The following UBR2 variants were observed in gnomAD, a reference collection of about 807,000 sequenced individuals.
The protein encoded by UBR2 is E3 ubiquitin-protein ligase UBR2.
A neutral mutation model predicts 247.9 loss-of-function variants in UBR2; 92 were observed. That is an observed-to-expected ratio of 0.37 (90% CI 0.31 to 0.44). The LOEUF is 0.44. Among genes scored for constraint, UBR2 ranks in the 20% least tolerant of loss-of-function variants. The pLI, the probability that UBR2 is intolerant of heterozygous loss-of-function variation, is 1.00. For synonymous variants in UBR2, 672 were observed against 693.5 expected (o/e 0.97, Z 0.49); for missense variants, 1,613 against 2,112.6 (o/e 0.76, Z 4.64).
intron 37 of UBR2, 50 bp downstream of exon 37, chr6:42,673,937 T>TC: frequency 6.6e-7 from 1 of 1,524,068 alleles, no homozygotes; most frequent in Non-Finnish European, 9.0e-7. Context: ...TCCTCTGAAA[T>TC]TTTGTTTTTA....
At chr6:42,593,491 G>A (rs927276566) in intron 3 of UBR2, among the ~76,000 whole-genome samples, 1 of 152,142 alleles carries the variant, frequency 6.6e-6, no homozygotes, top group African/African-American at 2.4e-5. Flanking sequence ...TCTAATACCT[G>A]TTAGTAAGCT....
chr6:42,656,870 G>A (rs1353845053), intron 26 of UBR2, among the ~76,000 whole-genome samples: 1 of 151,764 alleles, frequency 6.6e-6, no homozygotes. Context: ...TGCTTTCTTT[G>A]TTTCTGGTGT....
rs59248267 is a variant in UBR2, at chr6:42,659,520, TACACACACACACACACACACACACAC to T, written c.3243-119_3243-94del. On this transcript the variant is annotated intron_variant, in intron 29 of 46. Transcript: ENST00000372901. This position sits in a 1 kb window ranked among gnomAD's most constrained non-coding sequence, Gnocchi z 4.3. ...GTCTCAAAAAATAAATAAATATATA[TACACACACACACACACACACACACAC>T]ACACACACACACACACTACACACAC... The T allele has an allele frequency of 1.2e-5, 6 of 502,968 alleles. No individual in the cohort carries two copies. Among genetic ancestry groups the T allele is most frequent in the Middle Eastern group, 5.4e-4 (1 of 1,860 alleles). 31.2% of individuals were successfully genotyped at this position (502,968 alleles called of 1,614,324 possible).
At chr6:42,635,789 G>GT (rs973595023) in intron 14 of UBR2, among the ~76,000 whole-genome samples, 7 of 151,814 alleles carry the variant, frequency 4.6e-5, no homozygotes, top group East Asian at 1.9e-4. Context: ...AACTATCTTT[G>GT]TTTTTTTTCC....
At position 42,617,508 on chromosome 6, in the gene UBR2, G is replaced by C. The variant is rs759538156; in HGVS notation, c.1281+1G>C. The C allele has an allele frequency of 6.4e-7, 1 of 1,550,916 alleles. No individual in the cohort carries two copies. Among genetic ancestry groups the C allele is most frequent in the Non-Finnish European group, 8.7e-7 (1 of 1,146,898 alleles). On this transcript the variant is annotated splice_donor_variant, in intron 11 of 46. Coordinates refer to ENST00000372901, the MANE Select transcript of UBR2 (RefSeq NM_001363705.2). LOFTEE classifies it high-confidence loss of function. Reference sequence around the variant, plus strand: ...TCAGATATTCACGGTTCCTTCACTTGTAAGTACTGAAAGACTAGAAGAACT... The same window carrying C: ...TCAGATATTCACGGTTCCTTCACTTCTAAGTACTGAAAGACTAGAAGAACT...
At chr6:42,651,180 C>T (rs1420894117) in intron 23 of UBR2, among the ~76,000 whole-genome samples, 8 of 151,542 alleles carry the variant, frequency 5.3e-5, no homozygotes, top group East Asian at 3.9e-4. Context: ...TATGATTGCA[C>T]CACTGCATTC....
intron 42 of UBR2, among the ~76,000 whole-genome samples, chr6:42,680,639 TTA>T (rs1272263906): frequency 8.5e-5 from 13 of 152,182 alleles, no homozygotes; most frequent in African/African-American, 2.4e-4. Flanking sequence ...ACCCTCAACT[TTA>T]TATTTGAGAA....
chr6:42,573,339 TG>T (rs1791289475), intron 1 of UBR2, among the ~76,000 whole-genome samples: 1 of 152,194 alleles, frequency 6.6e-6, no homozygotes, highest in Non-Finnish European at 1.5e-5. Context: ...ACTCTTCCTA[TG>T]GACAAACTGA....
intron 18 of UBR2, 37 bp from the exon 19 acceptor site, chr6:42,644,177 C>G (rs572758065): frequency 6.4e-7 from 1 of 1,571,706 alleles, no homozygotes; most frequent in East Asian, 2.2e-5. Flanking sequence ...TGACCTTCCT[C>G]TTTTCCTTTA....
rs149877938 is a variant in UBR2, at chr6:42,658,579, T to C, written c.3064-67T>C. On this transcript the variant is annotated intron_variant, in intron 28 of 46. Coordinates refer to ENST00000372901, the MANE Select transcript of UBR2 (RefSeq NM_001363705.2). ...TTAATTGGTATTTACAGTGAAGATA[T>C]TTCTGCTTTGGAAAAAAATGTGCGT... The C allele has an allele frequency of 6.2e-4, 902 of 1,459,258 alleles. 10 individuals carry two copies. The East Asian group carries it at 0.013, about 21-fold the overall frequency. 90.4% of individuals were successfully genotyped at this position (1,459,258 alleles called of 1,614,324 possible).
At position 42,659,653 on chromosome 6, in the gene UBR2, C is replaced by T. The variant is rs776934545; in HGVS notation, c.3243-3C>T. ...AATTATATTCATAACCTTTGTATTG[C>T]AGCCCTGTGGCTTCAGATATGACAC... On this transcript the variant is annotated splice_region_variant and splice_polypyrimidine_tract_variant and intron_variant, in intron 29 of 46. Coordinates refer to ENST00000372901, the MANE Select transcript of UBR2 (RefSeq NM_001363705.2). The surrounding 1 kb of genome is among the most constrained non-coding windows in gnomAD (Gnocchi z 4.3). The T allele has an allele frequency of 6.2e-7, 1 of 1,612,420 alleles. No individual in the cohort carries two copies. Among genetic ancestry groups the T allele is most frequent in the Non-Finnish European group, 8.5e-7 (1 of 1,179,168 alleles).
chr6:42,681,437 A>C (rs1799044814), intron 42 of UBR2, among the ~76,000 whole-genome samples: 1 of 152,198 alleles, frequency 6.6e-6, no homozygotes, highest in South Asian at 2.1e-4. Flanking sequence ...CAATTAAAAA[A>C]TAGGTAAAGG....
At chr6:42,623,791 C>T (rs1795156669) in intron 11 of UBR2, among the ~76,000 whole-genome samples, 1 of 152,098 alleles carries the variant, frequency 6.6e-6, no homozygotes, top group South Asian at 2.1e-4. Context: ...GTTTAATTTT[C>T]ATGAATTTCA....
intron 18 of UBR2, 54 bp downstream of exon 18, chr6:42,642,535 T>C (rs1796509921): frequency 1.4e-6 from 2 of 1,449,032 alleles, no homozygotes; most frequent in Admixed American, 1.8e-5. Context: ...TTGCTTCTTG[T>C]TATTTCCATA....
intron 11 of UBR2, among the ~76,000 whole-genome samples, chr6:42,622,951 G>A (rs1448675913): frequency 6.6e-6 from 1 of 151,768 alleles, no homozygotes; most frequent in Non-Finnish European, 1.5e-5. Context: ...ACAGGCATGA[G>A]CCACTGTGCC....
At chr6:42,632,958 C>CTTTTTTTTTTTTTTTTTTAT (rs34284200) in intron 13 of UBR2, 54 bp downstream of exon 13, 5 of 610,588 alleles carry the variant, frequency 8.2e-6, no homozygotes, top group Admixed American at 5.4e-5. Context: ...TCTCTTTTCT[C>CTTTTTTTTTTTTTTTTTTAT]TTTTTTTTTT....
chr6:42,567,421 T>C (rs925413454), intron 1 of UBR2, among the ~76,000 whole-genome samples: 3 of 152,194 alleles, frequency 2.0e-5, no homozygotes, highest in Non-Finnish European at 4.4e-5. Context: ...TATGTTCCAG[T>C]GAGTGATTAC....
chr6:42,628,315 T>A (rs1374054547), intron 11 of UBR2, among the ~76,000 whole-genome samples: 1 of 152,160 alleles, frequency 6.6e-6, no homozygotes, highest in East Asian at 1.9e-4. Flanking sequence ...ATTATGCACA[T>A]CCCTGGTTAA....
intron 2 of UBR2, among the ~76,000 whole-genome samples, chr6:42,576,369 C>A (rs1482068696): frequency 6.6e-6 from 1 of 152,000 alleles, no homozygotes; most frequent in East Asian, 1.9e-4. Flanking sequence ...AAGAGAAAAC[C>A]TGATTCTCAT....
Sources: gnomAD v4.1 joint callset for allele counts (sites outside exome capture counted in the v4.1 genomes callset) on GRCh38, gnomAD v4.1.1 for gene constraint, Gnocchi (gnomAD v3.1) non-coding constraint, MANE v1.5 for transcripts, NCBI Gene and HGNC (gene_info 2026-07-23, HGNC 2026-07-21) for gene names.